The following ZFAND3 variants were observed in gnomAD, a reference collection of about 807,000 sequenced individuals.
ZFAND3 encodes AN1-type zinc finger protein 3.
In ZFAND3, 10 loss-of-function variants were observed where a neutral mutation model predicts 29.6. The observed-to-expected ratio is 0.34, with a 90% CI of 0.21 to 0.57. The LOEUF (loss-of-function observed/expected upper bound fraction) is 0.57. Ranked by LOEUF, ZFAND3 falls within the 20% of genes least tolerant of loss-of-function variation. ZFAND3 has a pLI of 0.86. For synonymous variants in ZFAND3, 128 were observed against 112.6 expected (o/e 1.14, Z -0.87); for missense variants, 230 against 304.5 (o/e 0.76, Z 1.82).
intron 5 of ZFAND3, among the ~76,000 whole-genome samples, chr6:38,120,357 A>G (rs1581934941): frequency 6.9e-5 from 5 of 72,432 alleles, no homozygotes; most frequent in Middle Eastern, 0.016. Context: ...TTTTGTGGAG[A>G]CGGAGTCGCC....
intron 2 of ZFAND3, among the ~76,000 whole-genome samples, chr6:38,048,537 G>A (rs947109221): frequency 6.7e-6 from 1 of 149,964 alleles, no homozygotes; most frequent in Admixed American, 6.7e-5. Flanking sequence ...CAGGAGAATG[G>A]CGTGAACCCA....
chr6:38,116,485 T>C, intron 4 of ZFAND3, 87 bp from the exon 5 acceptor site: 3 of 1,470,750 alleles, frequency 2.0e-6, no homozygotes, highest in Middle Eastern at 1.8e-4. Flanking sequence ...AGTAGCCTGG[T>C]CAGGAGAATG....
At chr6:37,993,613 C>T (rs1031859444) in intron 2 of ZFAND3, among the ~76,000 whole-genome samples, 1 of 152,200 alleles carries the variant, frequency 6.6e-6, no homozygotes, top group African/African-American at 2.4e-5. Context: ...AGGCGTGAAC[C>T]ACTGCACTTG....
intron 3 of ZFAND3, among the ~76,000 whole-genome samples, chr6:38,073,882 A>T (rs1441986234): frequency 6.6e-6 from 1 of 152,202 alleles, no homozygotes; most frequent in Non-Finnish European, 1.5e-5. Context: ...GCAGAAATGG[A>T]ATGTCTTGGT....
chr6:37,910,357 G>A (rs1044435320), intron 1 of ZFAND3, among the ~76,000 whole-genome samples: 3 of 152,172 alleles, frequency 2.0e-5, no homozygotes, highest in Non-Finnish European at 4.4e-5. Flanking sequence ...CTAAGTAATT[G>A]TTAATTAAGT....
At chr6:37,831,372 T>C (rs1763858055) in intron 1 of ZFAND3, among the ~76,000 whole-genome samples, 1 of 152,246 alleles carries the variant, frequency 6.6e-6, no homozygotes, top group African/African-American at 2.4e-5. Flanking sequence ...TGACCAGCTT[T>C]TGGCCCCTTT....
rs115763454 is a variant in ZFAND3 at position 37,917,970 on chromosome 6, T to C, written c.72-11989T>C. 2.8e-3 allele frequency among the ~76,000 whole-genome samples: 434 copies of C among 152,374 alleles called. 1 individual carries two copies. The highest frequency in any genetic ancestry group is 9.8e-3 in the African/African-American group (408 of 41,594). ...TCTTATATGTGCATATTGCTAGATA[T>C]TGCTTTCTCCTCCTCCATATTTTGT... On this transcript the variant is annotated intron_variant, in intron 1 of 5. Coordinates refer to ENST00000287218, the MANE Select transcript of ZFAND3 (RefSeq NM_021943.3).
intron 1 of ZFAND3, among the ~76,000 whole-genome samples, chr6:37,907,419 C>T (rs548545258): frequency 6.6e-6 from 1 of 152,276 alleles, no homozygotes; most frequent in African/African-American, 2.4e-5. Context: ...CCTTGGTGAA[C>T]ACTGATGCTT....
chr6:37,933,078 A>G (rs903876808), intron 2 of ZFAND3, among the ~76,000 whole-genome samples: 1 of 152,236 alleles, frequency 6.6e-6, no homozygotes, highest in Non-Finnish European at 1.5e-5. Context: ...AGTATTACAG[A>G]AGAGCCATGA....
intron 3 of ZFAND3, among the ~76,000 whole-genome samples, chr6:38,080,054 C>G (rs1764630839): frequency 6.9e-6 from 1 of 145,532 alleles, no homozygotes; most frequent in African/African-American, 2.5e-5. Context: ...AAAAGTTCCT[C>G]CAAAAAAAAA....
At chr6:38,111,334 T>G (rs1407709764) in intron 4 of ZFAND3, among the ~76,000 whole-genome samples, 1 of 152,230 alleles carries the variant, frequency 6.6e-6, no homozygotes, top group Non-Finnish European at 1.5e-5. Context: ...GTAGTTTTTT[T>G]GTCATTATTC....
intron 1 of ZFAND3, among the ~76,000 whole-genome samples, chr6:37,834,547 G>A (rs1187131939): frequency 1.3e-5 from 2 of 152,070 alleles, no homozygotes; most frequent in African/African-American, 4.8e-5. Flanking sequence ...TATGATAAGA[G>A]TATGTTTAGT....
intron 2 of ZFAND3, among the ~76,000 whole-genome samples, chr6:38,046,073 C>T (rs1045366997): frequency 2.6e-5 from 4 of 152,122 alleles, no homozygotes; most frequent in African/African-American, 4.8e-5. Context: ...AAATAAGTAC[C>T]GGTGATGATG....
chr6:37,930,045 C>CTT (rs370975464), intron 2 of ZFAND3, 46 bp downstream of exon 2: 617 of 1,159,062 alleles, frequency 5.3e-4, no homozygotes, highest in South Asian at 1.6e-3. Context: ...ATTTTTCTTT[C>CTT]TTTTTTTTTT....
At chr6:38,099,249 A>T (rs1214132115) in intron 4 of ZFAND3, among the ~76,000 whole-genome samples, 1 of 152,232 alleles carries the variant, frequency 6.6e-6, no homozygotes, top group Non-Finnish European at 1.5e-5. Context: ...CTGGTTTATG[A>T]TTAAAAATCA....
At chr6:37,853,673 T>C (rs994144081) in intron 1 of ZFAND3, among the ~76,000 whole-genome samples, 1 of 152,134 alleles carries the variant, frequency 6.6e-6, no homozygotes, top group Non-Finnish European at 1.5e-5. Context: ...TATAATATGG[T>C]TTTAGTAAAT....
intron 1 of ZFAND3, among the ~76,000 whole-genome samples, chr6:37,860,641 T>TG (rs1416448573): frequency 2.8e-5 from 4 of 142,064 alleles, no homozygotes; most frequent in African/African-American, 1.1e-4. Flanking sequence ...CACTTAGTTT[T>TG]TTTTTTTTTT....
intron 4 of ZFAND3, among the ~76,000 whole-genome samples, chr6:38,107,414 T>G (rs1765230535): frequency 6.6e-6 from 1 of 152,222 alleles, no homozygotes. Flanking sequence ...GATTACACAG[T>G]ACCTTCCCTT....
chr6:38,064,571 AG>A lies in ZFAND3; in HGVS notation c.295+2798del, dbSNP rs145302788. Among the ~76,000 whole-genome samples, 466 of 152,176 alleles carry A rather than the reference AG, an allele frequency of 3.1e-3. 3 individuals are homozygous for A. Among genetic ancestry groups the A allele is most frequent in the African/African-American group, 0.011 (444 of 41,542 alleles). On this transcript the variant is annotated intron_variant, in intron 3 of 5. Transcript: ENST00000287218. ...AGAGAATAATATTTGTGTGGGCAAG[AG>A]GAATGCTTTCTCTCCCTGTCATTAA...
Sources: gnomAD v4.1 joint callset for allele counts (sites outside exome capture counted in the v4.1 genomes callset) on GRCh38, gnomAD v4.1.1 for gene constraint, MANE v1.5 for transcripts, NCBI Gene and HGNC (gene_info 2026-07-23, HGNC 2026-07-21) for gene names.